BCKDHB: variants seen among roughly 807,000 people sequenced by gnomAD.
The protein encoded by BCKDHB is branched chain keto acid dehydrogenase E1 subunit beta.
In BCKDHB, 41 loss-of-function variants were observed where a neutral mutation model predicts 48.5. The ratio of observed to expected loss-of-function variants is 0.85; its 90% confidence interval spans 0.66 to 1.10. The LOEUF (loss-of-function observed/expected upper bound fraction) is 1.10, where lower values mean the gene tolerates loss of function less well. Among genes scored for constraint, BCKDHB ranks in the 50% least tolerant of loss-of-function variants. BCKDHB has a pLI of 0.00. For missense variants in BCKDHB, 496 were observed against 494.2 expected, an observed-to-expected ratio of 1.00 and a Z score of -0.03; for synonymous variants, 201 against 174.8, an observed-to-expected ratio of 1.15 and a Z score of -1.18.
chr6:80,334,087 T>C (rs1164847571), intron 9 of BCKDHB, among the ~76,000 whole-genome samples: 1 of 152,140 alleles, frequency 6.6e-6, no homozygotes, highest in Non-Finnish European at 1.5e-5. Flanking sequence ...TTCTTGAAAT[T>C]TGAATGTGAA....
intron 9 of BCKDHB, among the ~76,000 whole-genome samples, chr6:80,317,835 A>C (rs1270109503): frequency 6.6e-6 from 1 of 152,162 alleles, no homozygotes; most frequent in African/African-American, 2.4e-5. Context: ...CATTTTAAAA[A>C]CATAAAACCC....
intron 6 of BCKDHB, among the ~76,000 whole-genome samples, chr6:80,188,220 A>G (rs943972383): frequency 2.0e-5 from 3 of 152,174 alleles, no homozygotes; most frequent in Non-Finnish European, 4.4e-5. Flanking sequence ...ATTATCCACT[A>G]TAGCTGGAGG....
chr6:80,437,742 C>A, the BCKDHB span, among the ~76,000 whole-genome samples: 1 of 152,300 alleles, frequency 6.6e-6, no homozygotes, highest in South Asian at 2.1e-4. Context: ...ATCTGACACT[C>A]TGAAAAAGCT....
At chr6:80,269,267 G>A (rs1425870254) in intron 8 of BCKDHB, among the ~76,000 whole-genome samples, 1 of 152,086 alleles carries the variant, frequency 6.6e-6, no homozygotes, top group Non-Finnish European at 1.5e-5. Context: ...TCTGCCTTTG[G>A]CAATGCCGTG....
chr6:80,221,488 C>T (rs1427037212), intron 8 of BCKDHB, among the ~76,000 whole-genome samples: 1 of 152,010 alleles, frequency 6.6e-6, no homozygotes, highest in Non-Finnish European at 1.5e-5. Flanking sequence ...GTATCTTAGT[C>T]TGTGTACTGT....
chr6:80,246,513 CA>C (rs1776621667), intron 8 of BCKDHB, among the ~76,000 whole-genome samples: 1 of 152,192 alleles, frequency 6.6e-6, no homozygotes. Flanking sequence ...ATTGCTACTA[CA>C]AAAGCCCTCC....
chr6:80,349,594 G>A (rs1247602803), downstream of BCKDHB, among the ~76,000 whole-genome samples: 1 of 151,960 alleles, frequency 6.6e-6, no homozygotes, highest in African/African-American at 2.4e-5. Context: ...GACCTAGAAA[G>A]GTGAAAATTT....
chr6:80,130,488 T>C (rs1166961819), intron 3 of BCKDHB, among the ~76,000 whole-genome samples: 1 of 152,214 alleles, frequency 6.6e-6, no homozygotes, highest in Non-Finnish European at 1.5e-5. Context: ...TTTCCATTTA[T>C]AGCAGGTTGA....
chr6:80,435,189 T>G, the BCKDHB span, among the ~76,000 whole-genome samples: 60 of 152,240 alleles, frequency 3.9e-4, no homozygotes, highest in African/African-American at 1.4e-3. Flanking sequence ...TTAGCCAATG[T>G]CTTAAAACAA....
At chr6:80,193,719 CAAAA>C (rs61317782) in intron 6 of BCKDHB, among the ~76,000 whole-genome samples, 3 of 61,262 alleles carry the variant, frequency 4.9e-5, no homozygotes, top group African/African-American at 4.8e-5. Context: ...GACTCTGTCT[CAAAA>C]AAAAAAAAAA....
intron 8 of BCKDHB, among the ~76,000 whole-genome samples, chr6:80,271,881 A>T (rs1379467538): frequency 6.6e-6 from 1 of 150,926 alleles, no homozygotes; most frequent in Non-Finnish European, 1.5e-5. Flanking sequence ...TCTTAAAGTC[A>T]GGACATCTTT....
chr6:80,463,040 C>T, the BCKDHB span: 2 of 152,102 alleles, frequency 1.3e-5, no homozygotes, highest in Non-Finnish European at 1.5e-5. Context: ...TGGAATGACA[C>T]CCACCTGCAA....
intron 5 of BCKDHB, among the ~76,000 whole-genome samples, chr6:80,169,569 A>C (rs898025748): frequency 5.3e-5 from 8 of 152,044 alleles, no homozygotes; most frequent in African/African-American, 1.9e-4. Flanking sequence ...TCTCCTTTTT[A>C]TAACCTGTCT....
At chr6:80,290,631 A>C (rs931846998) in intron 9 of BCKDHB, among the ~76,000 whole-genome samples, 1 of 152,244 alleles carries the variant, frequency 6.6e-6, no homozygotes, top group Non-Finnish European at 1.5e-5. Flanking sequence ...ATCCAGCACA[A>C]GAATTTGTTA....
At chr6:80,167,649 A>G in intron 3 of BCKDHB, 29 bp from the exon 4 acceptor site, 4 of 1,578,922 alleles carry the variant, frequency 2.5e-6, no homozygotes, top group Non-Finnish European at 3.5e-6. Context: ...CATTTGCCAC[A>G]TTAACCTTTT....
At chr6:80,207,990 C>A (rs1774747355) in intron 8 of BCKDHB, among the ~76,000 whole-genome samples, 1 of 151,756 alleles carries the variant, frequency 6.6e-6, no homozygotes, top group Non-Finnish European at 1.5e-5. Context: ...TATAGAAGAT[C>A]TGAACAAAGC....
At chr6:80,366,423 T>G in the BCKDHB span, among the ~76,000 whole-genome samples, 3 of 152,172 alleles carry the variant, frequency 2.0e-5, no homozygotes, top group Admixed American at 6.5e-5. Flanking sequence ...CTCATAGACA[T>G]AGTCAGCAAC....
chr6:80,138,212 A>G (rs1349920571), intron 3 of BCKDHB, among the ~76,000 whole-genome samples: 1 of 152,254 alleles, frequency 6.6e-6, no homozygotes, highest in African/African-American at 2.4e-5. Flanking sequence ...ACCCAGTTCT[A>G]GGATTTTTGT....
intron 9 of BCKDHB, 84 bp downstream of exon 9, chr6:80,273,305 A>C (rs1162673729): frequency 1.8e-6 from 2 of 1,131,310 alleles, no homozygotes; most frequent in African/African-American, 1.5e-5. Context: ...TTATCACAAT[A>C]TGTGAAAGCA....
Sources: allele counts gnomAD v4.1 joint callset (sites outside exome capture counted in the v4.1 genomes callset), GRCh38; gene constraint gnomAD v4.1.1; transcripts MANE v1.5; gene names NCBI Gene and HGNC (gene_info 2026-07-23, HGNC 2026-07-21).